The following PIK3CA variants were observed in gnomAD, a reference collection of about 807,000 sequenced individuals.
The protein encoded by PIK3CA is phosphatidylinositol-4,5-bisphosphate 3-kinase catalytic subunit alpha, also known as phosphatidylinositol 4,5-bisphosphate 3-kinase catalytic subunit alpha isoform.
PIK3CA carries 27 observed loss-of-function variants against 138.2 expected under a neutral mutation model. That is an observed-to-expected ratio of 0.20 (90% CI 0.14 to 0.27). PIK3CA has a LOEUF of 0.27. Among genes scored for constraint, PIK3CA ranks in the 10% least tolerant of loss-of-function variants. PIK3CA has a pLI of 1.00. For synonymous variants in PIK3CA, 358 were observed against 413.2 expected, an observed-to-expected ratio of 0.87 and a Z score of 1.62; for missense variants, 544 against 1,277.4, an observed-to-expected ratio of 0.43 and a Z score of 8.75.
chr3:179,153,206 G>A (rs148083650), intron 1 of PIK3CA, among the ~76,000 whole-genome samples: 25 of 152,244 alleles, frequency 1.6e-4, no homozygotes, highest in African/African-American at 5.1e-4. Context: ...TCAGATTAGC[G>A]GTTACAGATA....
At chr3:179,224,030 A>G in intron 14 of PIK3CA, 51 bp from the exon 15 acceptor site, 1 of 990,384 alleles carries the variant, frequency 1.0e-6, no homozygotes, top group Admixed American at 1.8e-5. Flanking sequence ...AGTTAGTTTT[A>G]TCTTTTATTA....
intron 6 of PIK3CA, among the ~76,000 whole-genome samples, chr3:179,206,005 C>G (rs1457941872): frequency 1.3e-5 from 2 of 151,802 alleles, no homozygotes; most frequent in African/African-American, 4.8e-5. Flanking sequence ...GATAGTTCCT[C>G]AGCCTACCTA....
At chr3:179,159,146 G>C (rs1387405420) in intron 1 of PIK3CA, among the ~76,000 whole-genome samples, 1 of 152,046 alleles carries the variant, frequency 6.6e-6, no homozygotes, top group Non-Finnish European at 1.5e-5. Context: ...TCATTGTTGT[G>C]TGCTTTTAAA....
intron 14 of PIK3CA, among the ~76,000 whole-genome samples, chr3:179,221,878 T>G (rs940152481): frequency 2.0e-5 from 3 of 151,890 alleles, no homozygotes; most frequent in Non-Finnish European, 4.4e-5. Context: ...CAGCTAATTT[T>G]TGTATTTTTA....
Position 179,238,159 on chromosome 3 carries a change from G to A in PIK3CA, c.*3795G>A, listed in dbSNP as rs1360013037. The A allele has an allele frequency of 4.5e-6, 1 of 223,314 alleles. No homozygotes were observed. The highest frequency in any genetic ancestry group is 2.2e-5 in the African/African-American group (1 of 44,748). 13.8% of individuals were successfully genotyped at this position (223,314 alleles called of 1,614,324 possible). On this transcript the variant is annotated 3_prime_UTR_variant, in exon 21 of 21. Transcript: ENST00000263967. The stretch of plus-strand genomic sequence containing the variant: ...GCATGTCTTTAAGAGAAGGCTGAAA[G>A]TTGTGAGAGTATATTGTATACCGTA...
intron 3 of PIK3CA, among the ~76,000 whole-genome samples, chr3:179,200,765 T>C (rs1724390180): frequency 6.6e-6 from 1 of 152,216 alleles, no homozygotes; most frequent in Admixed American, 6.5e-5. Flanking sequence ...CTTTCTCTTT[T>C]CTTCTTTTTT....
chr3:179,233,410 T>C (rs1175823345), intron 20 of PIK3CA: 1 of 395,616 alleles, frequency 2.5e-6, no homozygotes, highest in Non-Finnish European at 4.4e-6. Context: ...AGTGAAAAAC[T>C]ATTTTAATTT....
chr3:179,240,085 G>T lies in PIK3CA; in HGVS notation c.*5721G>T. On this transcript the variant is annotated 3_prime_UTR_variant, in exon 21 of 21. Coordinates refer to ENST00000263967, the MANE Select transcript of PIK3CA (RefSeq NM_006218.4). ...TCACGCTGTTTATTAAAAAAAAAAA[G>T]AAAAATTACTTTTTGTGTCCAAACA... The T allele has an allele frequency of 1.4e-6, 2 of 1,424,002 alleles. No individual in the cohort carries two copies. Among genetic ancestry groups the T allele is most frequent in the Non-Finnish European group, 1.9e-6 (2 of 1,046,668 alleles). The allele number at this position is 1,424,002 out of a possible 1,614,324, so 88.2% of individuals were successfully genotyped here. A position where few individuals can be genotyped will look rare whatever the true frequency, so the allele number is the denominator to read the frequency against.
intron 1 of PIK3CA, among the ~76,000 whole-genome samples, chr3:179,158,391 C>G (rs1192416378): frequency 1.3e-5 from 2 of 152,044 alleles, no homozygotes; most frequent in East Asian, 3.9e-4. Flanking sequence ...TTGATTTTCC[C>G]TGTCCATTCC....
chr3:179,198,589 T>G (rs2108384614), intron 1 of PIK3CA, among the ~76,000 whole-genome samples, 161 bp from the exon 2 acceptor site: 2 of 152,332 alleles, frequency 1.3e-5, no homozygotes, highest in African/African-American at 4.8e-5. Context: ...GTAGCCTAAT[T>G]TAGAGCAACA....
chr3:179,174,453 C>CAG (rs1723645657), intron 1 of PIK3CA, among the ~76,000 whole-genome samples: 3 of 152,296 alleles, frequency 2.0e-5, no homozygotes, highest in Admixed American at 1.3e-4. Flanking sequence ...GCCTGAGCAG[C>CAG]AGAGCTAGAC....
rs541981999 is a variant in PIK3CA, at chr3:179,234,765, A to G, written c.*401A>G. On this transcript the variant is annotated 3_prime_UTR_variant, in exon 21 of 21. Coordinates refer to ENST00000263967, the MANE Select transcript of PIK3CA (RefSeq NM_006218.4). The surrounding 1 kb of genome is among the most constrained non-coding windows in gnomAD (Gnocchi z 5.1). ...TTCTATGTTTTGAAATGTGGACACA[A>G]CAAAGGCTGTTATTGCATTAGGTGT... The G allele has an allele frequency of 3.4e-5, 8 of 235,722 alleles. No homozygotes were observed. In the South Asian group the frequency reaches 1.1e-3, roughly 32 times the overall value. 14.6% of individuals were successfully genotyped at this position (235,722 alleles called of 1,614,324 possible). A position where few individuals can be genotyped will look rare whatever the true frequency, so the allele number is the denominator to read the frequency against.
intron 1 of PIK3CA, among the ~76,000 whole-genome samples, chr3:179,154,676 CATA>C (rs1723091860): frequency 6.6e-6 from 1 of 152,106 alleles, no homozygotes; most frequent in Non-Finnish European, 1.5e-5. Flanking sequence ...TGCTAAGTAA[CATA>C]ATGAGATAAT....
chr3:179,198,734 T>C lies in PIK3CA; in HGVS notation c.-76-16T>C, dbSNP rs1010113620. ...GTTGTGTCTCTTTTAACATATGTTT[T>C]CCTTCTTTGATTTAGGTTTCTGCTT... On this transcript the variant is annotated splice_polypyrimidine_tract_variant and intron_variant, in intron 1 of 20. Coordinates refer to ENST00000263967, the MANE Select transcript of PIK3CA (RefSeq NM_006218.4). 30 of 643,652 alleles carry C rather than the reference T, an allele frequency of 4.7e-5. No individual in the cohort carries two copies. In the East Asian group the frequency reaches 6.9e-4, roughly 15 times the overall value. The allele number at this position is 643,652 out of a possible 1,614,324, so 39.9% of individuals were successfully genotyped here.
chr3:179,235,326 C>T lies in PIK3CA; in HGVS notation c.*962C>T, dbSNP rs1386660518. 5.6e-6 allele frequency: 1 copy of T among 177,812 alleles called. No homozygotes were observed. The highest frequency in any genetic ancestry group is 1.2e-5 in the Non-Finnish European group (1 of 83,172). The allele number at this position is 177,812 out of a possible 1,614,324, so 11.0% of individuals were successfully genotyped here. Reference sequence around the variant, plus strand: ...TTAAAGGCTATTTATATTATAGAAACTATCATTAATATATATTCTTTATTT... The same window carrying T: ...TTAAAGGCTATTTATATTATAGAAATTATCATTAATATATATTCTTTATTT... On this transcript the variant is annotated 3_prime_UTR_variant, in exon 21 of 21. Transcript: ENST00000263967.
intron 1 of PIK3CA, among the ~76,000 whole-genome samples, chr3:179,190,478 T>G (rs1724104772): frequency 6.6e-6 from 1 of 152,122 alleles, no homozygotes; most frequent in Admixed American, 6.6e-5. Flanking sequence ...ACTCTAGAAA[T>G]ATTTAAAGTA....
rs576129082 is a variant in PIK3CA, at chr3:179,234,440, G to T, written c.*76G>T. On this transcript the variant is annotated 3_prime_UTR_variant, in exon 21 of 21. Coordinates refer to ENST00000263967, the MANE Select transcript of PIK3CA (RefSeq NM_006218.4). This position sits in a 1 kb window ranked among gnomAD's most constrained non-coding sequence, Gnocchi z 5.1. Reference sequence around the variant, plus strand: ...TAATAACTCTCAGCAGGCAAAGACCGATTGCATAGGAATTGCACAATCCAT... The same window carrying T: ...TAATAACTCTCAGCAGGCAAAGACCTATTGCATAGGAATTGCACAATCCAT... 4.9e-6 allele frequency: 6 copies of T among 1,217,670 alleles called. No individual in the cohort carries two copies. In the East Asian group the frequency reaches 1.4e-4, roughly 29 times the overall value. The allele number at this position is 1,217,670 out of a possible 1,614,324, so 75.4% of individuals were successfully genotyped here.
At chr3:179,208,603 A>T (rs1168141689) in intron 6 of PIK3CA, among the ~76,000 whole-genome samples, 1 of 152,156 alleles carries the variant, frequency 6.6e-6, no homozygotes, top group Non-Finnish European at 1.5e-5. Context: ...ATGTTTTTTT[A>T]AAATACAAAA....
At chr3:179,169,125 A>G (rs1194936150) in intron 1 of PIK3CA, 1 of 152,218 alleles carries the variant, frequency 6.6e-6, no homozygotes, top group Non-Finnish European at 1.5e-5. Context: ...TGAGTGCTAC[A>G]GCATCCTATA....
Sources: gnomAD v4.1 joint callset for allele counts (sites outside exome capture counted in the v4.1 genomes callset) on GRCh38, gnomAD v4.1.1 for gene constraint, Gnocchi (gnomAD v3.1) non-coding constraint, MANE v1.5 for transcripts, NCBI Gene and HGNC (gene_info 2026-07-23, HGNC 2026-07-21) for gene names.